The following HTR1F variants were observed in gnomAD, a reference collection of about 807,000 sequenced individuals.
HTR1F encodes the protein 5-hydroxytryptamine receptor 1F.
HTR1F carries 17 observed loss-of-function variants against 24.0 expected under a neutral mutation model. The ratio of observed to expected loss-of-function variants is 0.71; its 90% CI spans 0.48 to 1.06. The LOEUF is 1.06. HTR1F is among the 50% of genes least tolerant of loss of function. HTR1F has a pLI of 0.00. For synonymous variants in HTR1F, 186 were observed against 156.8 expected (o/e 1.19, Z -1.39); for missense variants, 391 against 427.8 (o/e 0.91, Z 0.76).
At chr3:87,845,836 A>G (rs1704928752) in intron 2 of HTR1F, among the ~76,000 whole-genome samples, 1 of 152,004 alleles carries the variant, frequency 6.6e-6, no homozygotes. Context: ...GAGTCAATAT[A>G]TTTTATGGAA....
intron 2 of HTR1F, among the ~76,000 whole-genome samples, chr3:87,935,824 A>G (rs187754056): frequency 1.3e-5 from 2 of 152,020 alleles, no homozygotes; most frequent in Non-Finnish European, 2.9e-5. Flanking sequence ...GAAAAAAAAA[A>G]TTTGGCTTAA....
chr3:87,833,254 T>C (rs1704619176), intron 2 of HTR1F, among the ~76,000 whole-genome samples: 2 of 152,176 alleles, frequency 1.3e-5, no homozygotes, highest in Non-Finnish European at 2.9e-5. Flanking sequence ...CCCTTAAGTA[T>C]CCAGAATGTC....
intron 2 of HTR1F, among the ~76,000 whole-genome samples, chr3:87,853,246 C>T (rs1444104730): frequency 6.6e-6 from 1 of 151,944 alleles, no homozygotes; most frequent in Non-Finnish European, 1.5e-5. Context: ...TCAAGTAGGG[C>T]CCAGTGTGTG....
In HTR1F at chr3:87,990,947, A is replaced by G. The variant is rs1705809226; in HGVS notation, c.198A>G (p.Ala66=). Residue 66 remains alanine, a synonymous_variant, in exon 3 of 3, where the codon GCA becomes GCG. Coordinates refer to ENST00000319595, the MANE Select transcript of HTR1F (RefSeq NM_001322209.2). ...CCAATTATTTAATTTGTTCCCTTGC[A>G]GTCACAGATTTTCTTGTGGCTGTCC... The part of the protein sequence containing the change: ...HPANYLICSL[A]VTDFLVAVLV... 2 of 1,614,050 alleles carry G rather than the reference A, an allele frequency of 1.2e-6. No homozygotes were observed. Among genetic ancestry groups the G allele is most frequent in the Non-Finnish European group, 1.7e-6 (2 of 1,180,030 alleles).
At chr3:87,905,906 A>G (rs1288402459) in intron 2 of HTR1F, among the ~76,000 whole-genome samples, 1 of 152,072 alleles carries the variant, frequency 6.6e-6, no homozygotes. Flanking sequence ...TACGATATTA[A>G]GTCAAGACAA....
At chr3:87,922,196 T>A (rs1704025726) in intron 2 of HTR1F, among the ~76,000 whole-genome samples, 2 of 151,960 alleles carry the variant, frequency 1.3e-5, no homozygotes, top group South Asian at 4.1e-4. Context: ...TCTGTTATTT[T>A]TGTTTTTTGT....
intron 2 of HTR1F, among the ~76,000 whole-genome samples, chr3:87,942,952 G>C (rs369778371): frequency 3.3e-5 from 5 of 152,190 alleles, no homozygotes; most frequent in African/African-American, 1.2e-4. Flanking sequence ...AGAGAGGTAT[G>C]CTTCCTCAAT....
rs1296833349 is a variant in HTR1F, at chr3:87,987,611, C to T, written c.-42-3097C>T. On this transcript the variant is annotated intron_variant, in intron 2 of 2. Transcript: ENST00000319595. The stretch of plus-strand genomic sequence containing the variant: ...CTGGATGAAGATAGCAATAAAAATA[C>T]GGAAATATATATATATATAATATAT... Among the ~76,000 whole-genome samples, 11 of 90,906 alleles carry T rather than the reference C, an allele frequency of 1.2e-4. No homozygotes were observed. The Admixed American group carries it at 1.4e-3, about 11-fold the overall frequency. The allele number at this position is 90,906 out of a possible 152,430, so 59.6% of individuals were successfully genotyped here. A position where few individuals can be genotyped will look rare whatever the true frequency, so the allele number is the denominator to read the frequency against.
intron 2 of HTR1F, among the ~76,000 whole-genome samples, chr3:87,893,999 T>C (rs1706143166): frequency 6.8e-6 from 1 of 147,144 alleles, no homozygotes; most frequent in African/African-American, 2.7e-5. Context: ...TTTGGACAGC[T>C]TTTTTTATTT....
chr3:87,854,310 A>G (rs1334208981), intron 2 of HTR1F, among the ~76,000 whole-genome samples: 2 of 151,832 alleles, frequency 1.3e-5, no homozygotes, highest in East Asian at 1.9e-4. Flanking sequence ...TTTGTGTCTT[A>G]TCTACCTCAT....
At chr3:87,977,124 T>C (rs1705412320) in intron 2 of HTR1F, among the ~76,000 whole-genome samples, 1 of 152,138 alleles carries the variant, frequency 6.6e-6, no homozygotes, top group African/African-American at 2.4e-5. Flanking sequence ...GAAAACTTGA[T>C]ATTAGACAGT....
Position 87,917,139 on chromosome 3 carries a change from AAAATTAAAAAATTCT to A in HTR1F, c.-42-73568_-42-73554del, listed in dbSNP as rs1353395787. On this transcript the variant is annotated intron_variant, in intron 2 of 2. Coordinates refer to ENST00000319595, the MANE Select transcript of HTR1F (RefSeq NM_001322209.2). ...ATTGAGTTAAAAATATATCAAAATT[AAAATTAAAAAATTCT>A]TCAAACCAAATGAAAGTAGTGAGAA... Among the ~76,000 whole-genome samples the A allele has an allele frequency of 3.7e-4, 57 of 152,104 alleles. 1 individual carries two copies. In the South Asian group the frequency reaches 0.011, roughly 29 times the overall value.
rs761628603 is a variant in HTR1F at position 87,961,093 on chromosome 3, T to C, written c.-42-29615T>C. Among the ~76,000 whole-genome samples the C allele has an allele frequency of 5.9e-5, 9 of 151,968 alleles. 1 individual carries two copies. In the South Asian group the frequency reaches 8.3e-4, roughly 14 times the overall value. Reference sequence around the variant, plus strand: ...TACTGGGGTTCCCCTATGAGAGATGTCCAGTGGAAAGTAAAATACTGAAGT... The same window carrying C: ...TACTGGGGTTCCCCTATGAGAGATGCCCAGTGGAAAGTAAAATACTGAAGT... On this transcript the variant is annotated intron_variant, in intron 2 of 2. Coordinates refer to ENST00000319595, the MANE Select transcript of HTR1F (RefSeq NM_001322209.2).
chr3:87,911,105 G>GA (rs1311605665), intron 2 of HTR1F, among the ~76,000 whole-genome samples: 1 of 151,080 alleles, frequency 6.6e-6, no homozygotes, highest in Non-Finnish European at 1.5e-5. Flanking sequence ...CGGAAGACAG[G>GA]AAAAAAACAA....
At chr3:87,955,725 C>T (rs767005318) in intron 2 of HTR1F, among the ~76,000 whole-genome samples, 1 of 151,400 alleles carries the variant, frequency 6.6e-6, no homozygotes, top group African/African-American at 2.4e-5. Context: ...ATCGTTTTAT[C>T]ATCAGCCATT....
intron 2 of HTR1F, among the ~76,000 whole-genome samples, chr3:87,941,537 C>T (rs931691030): frequency 2.0e-5 from 3 of 152,010 alleles, no homozygotes; most frequent in Admixed American, 1.3e-4. Context: ...GTAACTTAGC[C>T]CCGTACTGAA....
intron 2 of HTR1F, among the ~76,000 whole-genome samples, chr3:87,929,234 A>G (rs767358228): frequency 4.6e-5 from 7 of 152,168 alleles, no homozygotes; most frequent in South Asian, 4.1e-4. Flanking sequence ...GGCACCTGGC[A>G]TGTCACTAGT....
intron 1 of HTR1F, among the ~76,000 whole-genome samples, chr3:87,799,547 G>A (rs750684149): frequency 1.4e-4 from 21 of 152,154 alleles, no homozygotes; most frequent in Non-Finnish European, 1.9e-4. Flanking sequence ...ACTTGAGCCC[G>A]AGGCTGATAT....
chr3:87,831,417 C>A (rs1704576657), intron 2 of HTR1F, among the ~76,000 whole-genome samples: 1 of 150,864 alleles, frequency 6.6e-6, no homozygotes, highest in Non-Finnish European at 1.5e-5. Flanking sequence ...GGCTGAAGTG[C>A]AGTGGCGCCA....
Sources: gnomAD v4.1 joint callset for allele counts (sites outside exome capture counted in the v4.1 genomes callset) on GRCh38, gnomAD v4.1.1 for gene constraint, MANE v1.5 for transcripts, NCBI Gene and HGNC (gene_info 2026-07-23, HGNC 2026-07-21) for gene names.